Variants in MPG observed in about 807,000 individuals in gnomAD.
MPG encodes the protein DNA-3-methyladenine glycosylase.
A neutral mutation model predicts 31.7 loss-of-function variants in MPG; 33 were observed. The observed-to-expected ratio is 1.04, with a 90% CI of 0.79 to 1.39. The LOEUF (loss-of-function observed/expected upper bound fraction) is 1.39. Ranked by LOEUF, MPG falls within the 40% of genes most tolerant of loss-of-function variation. The pLI is 0.00. For missense variants in MPG, 455 were observed against 415.5 expected (o/e 1.10, Z -0.83); for synonymous variants, 202 against 169.2 (o/e 1.19, Z -1.51).
upstream of MPG, among the ~76,000 whole-genome samples, chr16:77,891 A>G (rs779255354): frequency 1.3e-4 from 19 of 150,388 alleles, no homozygotes; most frequent in Non-Finnish European, 1.9e-4. Flanking sequence ...CAGGTTCACG[A>G]CGGGCCCGTC....
At chr16:82,337 TG>T (rs1259094038) in intron 2 of MPG, among the ~76,000 whole-genome samples, 1 of 152,222 alleles carries the variant, frequency 6.6e-6, no homozygotes, top group Non-Finnish European at 1.5e-5. Flanking sequence ...CTTCGTGGGC[TG>T]AGGTGAAGGT....
chr16:80,629 T>G (rs1231924609), intron 2 of MPG, among the ~76,000 whole-genome samples: 6 of 151,942 alleles, frequency 3.9e-5, no homozygotes, highest in African/African-American at 9.7e-5. Context: ...ACCAACATGG[T>G]GAAACCCCAT....
In MPG at chr16:85,839, C is replaced by T. The variant is rs1898442497; in HGVS notation, c.*62C>T. 2.1e-6 allele frequency: 3 copies of T among 1,412,514 alleles called. No individual in the cohort carries two copies. The highest frequency in any genetic ancestry group is 2.9e-5 in the African/African-American group (2 of 69,266). 87.5% of individuals were successfully genotyped at this position (1,412,514 alleles called of 1,614,324 possible). ...TAAAAACCGAATAAATGTTTTATTT[C>T]TAGAAAACTGTGCCTTAGCCAGAGC... On this transcript the variant is annotated 3_prime_UTR_variant, in exon 4 of 4. Coordinates refer to ENST00000356432, the MANE Select transcript of MPG (RefSeq NM_001015052.3).
chr16:79,054 C>T (rs1368101357), intron 1 of MPG: 7 of 1,432,320 alleles, frequency 4.9e-6, no homozygotes, highest in Middle Eastern at 2.6e-4. Flanking sequence ...CCAGCTCAGA[C>T]GTTTGCTTGG....
intron 2 of MPG, among the ~76,000 whole-genome samples, chr16:81,379 C>T (rs1294544794): frequency 1.3e-5 from 2 of 152,150 alleles, no homozygotes; most frequent in African/African-American, 2.4e-5. Flanking sequence ...TAGTTGGGCC[C>T]CCCCAGTGTG....
Position 83,046 on chromosome 16 carries a change from C to A in MPG, c.301-6C>A. 6.3e-7 allele frequency: 1 copy of A among 1,586,806 alleles called. No individual in the cohort carries two copies. Among genetic ancestry groups the A allele is most frequent in the East Asian group, 2.2e-5 (1 of 44,546 alleles). On this transcript the variant is annotated splice_region_variant and splice_polypyrimidine_tract_variant and intron_variant, in intron 2 of 3. Transcript: ENST00000356432. ...CCCGCCCTGAGCAGAAACTGACTGC[C>A]CACAGGTCCTAGTCCGGCGACTTCC...
Position 82,442 on chromosome 16 carries a change from C to T in MPG, c.301-610C>T, listed in dbSNP as rs940574230. Among the ~76,000 whole-genome samples the T allele has an allele frequency of 5.6e-4, 85 of 152,308 alleles. 1 individual carries two copies. Among genetic ancestry groups the T allele is most frequent in the Admixed American group, 4.6e-4 (7 of 15,300 alleles). ...TGCTCTGCTGTTAACTCTGGGGCTC[C>T]GAGCAGTGACACAACTGTTGGCCGT... On this transcript the variant is annotated intron_variant, in intron 2 of 3. Transcript: ENST00000356432.
At chr16:78,418 C>T (rs1363298148) in intron 1 of MPG, 85 bp downstream of exon 1, 49 of 1,094,396 alleles carry the variant, frequency 4.5e-5, no homozygotes, top group Non-Finnish European at 4.4e-5. Flanking sequence ...AGCGGGAGTG[C>T]CGGGGACGGG....
intron 2 of MPG, among the ~76,000 whole-genome samples, chr16:80,784 G>A (rs575415901): frequency 1.3e-5 from 2 of 152,154 alleles, no homozygotes; most frequent in Non-Finnish European, 2.9e-5. Flanking sequence ...ACTCCGGCCT[G>A]GGCGACAGGG....
At chr16:79,831 C>A in intron 2 of MPG, 131 bp downstream of exon 2, 4 of 1,020,584 alleles carry the variant, frequency 3.9e-6, no homozygotes, top group Non-Finnish European at 5.7e-6. Flanking sequence ...AGCGGCTTTG[C>A]TCACACTGGT....
upstream of MPG, chr16:77,025 C>T (rs915903770): frequency 7.2e-5 from 11 of 152,220 alleles, no homozygotes; most frequent in Non-Finnish European, 1.2e-4. Context: ...AGGTGTCACA[C>T]TCATCTGAGG....
At chr16:79,977 A>T in intron 2 of MPG, 1 of 536,318 alleles carries the variant, frequency 1.9e-6, no homozygotes, top group East Asian at 3.1e-5. Context: ...GAGCACTTGC[A>T]CCGTTAGCCT....
upstream of MPG, chr16:77,255 G>C: frequency 6.6e-6 from 1 of 152,334 alleles, no homozygotes; most frequent in South Asian, 2.1e-4. Flanking sequence ...TGCAGACCCA[G>C]ATAAACCTTC....
intron 3 of MPG, 33 bp from the exon 4 acceptor site, chr16:85,368 G>A (rs200083505): frequency 2.2e-5 from 34 of 1,564,950 alleles, no homozygotes; most frequent in South Asian, 1.2e-5. Flanking sequence ...AGGAGCCTAG[G>A]GAGGCTCCAC....
chr16:83,678 T>C (rs1596487680), intron 3 of MPG, among the ~76,000 whole-genome samples: 2 of 148,296 alleles, frequency 1.3e-5, no homozygotes, highest in Admixed American at 1.3e-4. Context: ...GAGGCGGAGG[T>C]TGCAGGGAGC....
At chr16:77,115 G>A (rs1455763133), upstream of MPG, 2 of 152,324 alleles carry the variant, frequency 1.3e-5, no homozygotes, top group African/African-American at 4.8e-5. Context: ...TGCTCTTCAA[G>A]GCCTTTTCAG....
chr16:77,648 C>T (rs564797733), upstream of MPG, among the ~76,000 whole-genome samples: 210 of 152,324 alleles, frequency 1.4e-3, 2 homozygotes, highest in African/African-American at 4.9e-3. Flanking sequence ...GAATCCGCGC[C>T]GCTCCCTCCT....
chr16:79,858 C>G, intron 2 of MPG, 158 bp downstream of exon 2: 1 of 820,976 alleles, frequency 1.2e-6, no homozygotes, highest in Admixed American at 2.8e-5. Flanking sequence ...TTAGCTTCAT[C>G]TCAGTTGCCT....
intron 1 of MPG, chr16:79,064 G>A: frequency 7.0e-7 from 1 of 1,435,536 alleles, no homozygotes. Context: ...CGTTTGCTTG[G>A]GACCTGCATG....
Sources: gnomAD v4.1 joint callset for allele counts (sites outside exome capture counted in the v4.1 genomes callset) on GRCh38, gnomAD v4.1.1 for gene constraint, MANE v1.5 for transcripts, NCBI Gene and HGNC (gene_info 2026-07-23, HGNC 2026-07-21) for gene names.